SAMD5: variants seen among roughly 807,000 people sequenced by gnomAD.
SAMD5 encodes the protein sterile alpha motif domain-containing protein 5.
SAMD5 carries 13 observed loss-of-function variants against 11.3 expected under a neutral mutation model. That is an observed-to-expected ratio of 1.15 (90% confidence interval 0.75 to 1.83). The LOEUF is 1.83. Among genes scored for constraint, SAMD5 ranks in the 40% most tolerant of loss-of-function variants. SAMD5 has a pLI of 0.00. For synonymous variants in SAMD5, 129 were observed against 111.3 expected (o/e 1.16, Z -1.00); for missense variants, 255 against 239.1 (o/e 1.07, Z -0.44).
intron 1 of SAMD5, among the ~76,000 whole-genome samples, chr6:147,539,814 T>C (rs1195560411): frequency 2.0e-5 from 3 of 152,116 alleles, no homozygotes; most frequent in African/African-American, 4.8e-5. Flanking sequence ...AATATATCTA[T>C]AGTTTGTTTA....
chr6:147,840,314 G>T, the SAMD5 span, among the ~76,000 whole-genome samples: 3 of 152,234 alleles, frequency 2.0e-5, no homozygotes, highest in African/African-American at 7.2e-5. Flanking sequence ...AAGGCACTGT[G>T]CCTGGGGTGA....
intron 1 of SAMD5, among the ~76,000 whole-genome samples, chr6:147,550,717 C>T (rs1197505049): frequency 2.0e-5 from 3 of 152,052 alleles, no homozygotes; most frequent in Non-Finnish European, 4.4e-5. Context: ...TACAATAGAC[C>T]TAGAATGTGG....
intron 1 of SAMD5, among the ~76,000 whole-genome samples, chr6:147,535,508 T>C (rs944193223): frequency 2.6e-5 from 4 of 152,332 alleles, no homozygotes; most frequent in African/African-American, 9.6e-5. Flanking sequence ...GTTTTTCTTT[T>C]GAAGCATAAT....
intron 1 of SAMD5, among the ~76,000 whole-genome samples, chr6:147,634,825 T>C (rs148923665): frequency 6.6e-6 from 1 of 151,806 alleles, no homozygotes; most frequent in African/African-American, 2.4e-5. Context: ...AGAGTGAAGG[T>C]TGTTTAGGGA....
At chr6:147,848,306 C>T in the SAMD5 span, among the ~76,000 whole-genome samples, 1 of 152,154 alleles carries the variant, frequency 6.6e-6, no homozygotes, top group African/African-American at 2.4e-5. Context: ...CTTAATTTCT[C>T]AGGATTCTGA....
chr6:147,669,961 A>C (rs1019251976), intron 1 of SAMD5, among the ~76,000 whole-genome samples: 3 of 152,186 alleles, frequency 2.0e-5, no homozygotes, highest in African/African-American at 7.2e-5. Flanking sequence ...GCCCAGATCC[A>C]TCAGAGGAAT....
chr6:147,910,197 G>A, the SAMD5 span, among the ~76,000 whole-genome samples: 1 of 151,960 alleles, frequency 6.6e-6, no homozygotes, highest in South Asian at 2.1e-4. Context: ...TCAAATAGAA[G>A]GGATCACTTA....
intron 1 of SAMD5, among the ~76,000 whole-genome samples, chr6:147,525,500 A>G (rs1788323280): frequency 1.3e-5 from 2 of 151,892 alleles, no homozygotes; most frequent in Admixed American, 1.3e-4. Context: ...AGTAAACTCT[A>G]TTAATTGATA....
intron 1 of SAMD5, among the ~76,000 whole-genome samples, chr6:147,625,861 C>T (rs1236648747): frequency 6.6e-6 from 1 of 152,140 alleles, no homozygotes; most frequent in African/African-American, 2.4e-5. Context: ...GCATCCAGTC[C>T]CACCCTTGCT....
intron 1 of SAMD5, among the ~76,000 whole-genome samples, chr6:147,624,832 C>T (rs1234292596): frequency 6.6e-6 from 1 of 151,570 alleles, no homozygotes; most frequent in Admixed American, 6.6e-5. Context: ...ACAACTTACT[C>T]ATGTGACCAA....
the SAMD5 span, among the ~76,000 whole-genome samples, chr6:147,853,749 A>C: frequency 0.02 from 3,062 of 152,220 alleles, 59 homozygotes; most frequent in Non-Finnish European, 0.032. Context: ...CCTTTTAGTT[A>C]ACACTGCATA....
At chr6:147,809,224 G>T in the SAMD5 span, among the ~76,000 whole-genome samples, 1 of 151,892 alleles carries the variant, frequency 6.6e-6, no homozygotes. Context: ...ACAGTAGATG[G>T]TATTTCCACA....
At chr6:147,887,053 G>A in the SAMD5 span, among the ~76,000 whole-genome samples, 1 of 152,188 alleles carries the variant, frequency 6.6e-6, no homozygotes, top group African/African-American at 2.4e-5. Context: ...TAAACTGTGA[G>A]AAAATAAATG....
chr6:147,881,376 G>A, the SAMD5 span, among the ~76,000 whole-genome samples: 23 of 152,248 alleles, frequency 1.5e-4, no homozygotes, highest in Non-Finnish European at 2.8e-4. Flanking sequence ...CAAGCCCCGC[G>A]TCAAGGTTCC....
the SAMD5 span, among the ~76,000 whole-genome samples, chr6:147,870,482 G>GTA: frequency 8.8e-3 from 1,187 of 135,322 alleles, 11 homozygotes; most frequent in African/African-American, 0.019. Flanking sequence ...GTGTGTGTGT[G>GTA]TATATATATA....
intron 1 of SAMD5, among the ~76,000 whole-genome samples, chr6:147,603,797 A>C (rs1031074687): frequency 6.6e-6 from 1 of 150,754 alleles, no homozygotes; most frequent in Non-Finnish European, 1.5e-5. Flanking sequence ...ACAAAAAAAA[A>C]CAACAACAAC....
chr6:147,761,636 T>C, the SAMD5 span, among the ~76,000 whole-genome samples: 2 of 152,242 alleles, frequency 1.3e-5, no homozygotes, highest in Non-Finnish European at 2.9e-5. Flanking sequence ...TGCTGGATTC[T>C]AAAAGATTAT....
At chr6:147,596,734 A>T (rs1056961819) in intron 1 of SAMD5, among the ~76,000 whole-genome samples, 5 of 152,156 alleles carry the variant, frequency 3.3e-5, no homozygotes, top group East Asian at 1.9e-4. Flanking sequence ...TTATTTTTTT[A>T]AAATTTACTT....
chr6:147,659,847 G>C (rs1790622804), intron 1 of SAMD5, among the ~76,000 whole-genome samples: 1 of 152,170 alleles, frequency 6.6e-6, no homozygotes, highest in Non-Finnish European at 1.5e-5. Flanking sequence ...AAACAGGACT[G>C]GGAAAAGCTA....
Sources: allele counts gnomAD v4.1 joint callset (sites outside exome capture counted in the v4.1 genomes callset), GRCh38; gene constraint gnomAD v4.1.1; transcripts MANE v1.5; gene names NCBI Gene and HGNC (gene_info 2026-07-23, HGNC 2026-07-21).